The following MYT1L variants were observed in gnomAD, a reference collection of about 807,000 sequenced individuals.
MYT1L encodes the protein myelin transcription factor 1-like protein.
Under a neutral mutation model 126.7 loss-of-function variants are expected in MYT1L, and 12 were observed. That is an observed-to-expected ratio of 0.09 (90% confidence interval 0.06 to 0.15). The LOEUF (loss-of-function observed/expected upper bound fraction) is 0.15. Ranked by LOEUF, MYT1L falls within the 10% of genes least tolerant of loss-of-function variation. The pLI is 1.00. For missense variants in MYT1L, 979 were observed against 1,585.2 expected (o/e 0.62, Z 6.49); for synonymous variants, 541 against 604.2 (o/e 0.90, Z 1.53).
At chr2:2,102,672 T>C (rs576169465) in intron 3 of MYT1L, among the ~76,000 whole-genome samples, 45 of 151,238 alleles carry the variant, frequency 3.0e-4, no homozygotes, top group Non-Finnish European at 4.6e-4. Context: ...CTATATTGCA[T>C]AAAAACATGA....
intron 2 of MYT1L, among the ~76,000 whole-genome samples, chr2:2,240,045 C>A (rs1156869345): frequency 1.3e-5 from 2 of 152,174 alleles, no homozygotes; most frequent in Non-Finnish European, 2.9e-5. Context: ...TGCCTGTAAT[C>A]CCAGCACTTT....
At chr2:1,919,125 A>G (rs959527153) in intron 10 of MYT1L, among the ~76,000 whole-genome samples, 5 of 152,184 alleles carry the variant, frequency 3.3e-5, no homozygotes, top group Non-Finnish European at 7.3e-5. Context: ...AGGATTACCT[A>G]ACAAAATATA....
chr2:2,238,951 C>T (rs2094383742), intron 2 of MYT1L, among the ~76,000 whole-genome samples: 1 of 152,154 alleles, frequency 6.6e-6, no homozygotes, highest in South Asian at 2.1e-4. Flanking sequence ...CAAGAGCCTG[C>T]ACAAAGAGTG....
At chr2:1,965,790 G>A (rs1285575359) in intron 8 of MYT1L, among the ~76,000 whole-genome samples, 1 of 152,250 alleles carries the variant, frequency 6.6e-6, no homozygotes, top group African/African-American at 2.4e-5. Context: ...ACAGGGGGAT[G>A]CACAGATGCC....
rs1443611848 is a variant in MYT1L at position 2,212,614 on chromosome 2, A to G, written c.-420-39626T>C. On this transcript the variant is annotated intron_variant, in intron 2 of 24. Coordinates refer to ENST00000647738, the MANE Select transcript of MYT1L (RefSeq NM_001303052.2). ...TAGACGGGATTAGTACTAATTAGTA[A>G]TATTGTTTCATGACTAAATTAGATG... 1.4e-4 allele frequency among the ~76,000 whole-genome samples: 21 copies of G among 152,194 alleles called. 1 individual carries two copies.
At chr2:1,974,148 G>A (rs2060005312) in intron 8 of MYT1L, among the ~76,000 whole-genome samples, 1 of 152,198 alleles carries the variant, frequency 6.6e-6, no homozygotes, top group Admixed American at 6.5e-5. Flanking sequence ...ACTCTTCCTT[G>A]ATATTGGGGA....
chr2:2,248,531 G>A (rs1020416248), intron 2 of MYT1L, among the ~76,000 whole-genome samples: 4 of 151,976 alleles, frequency 2.6e-5, no homozygotes, highest in Admixed American at 6.6e-5. Context: ...CTTCTATGAG[G>A]CCAGTATTAC....
chr2:2,199,145 A>AC (rs1239670409), intron 2 of MYT1L, among the ~76,000 whole-genome samples: 1 of 152,212 alleles, frequency 6.6e-6, no homozygotes, highest in Non-Finnish European at 1.5e-5. Context: ...TGGGAGAAGA[A>AC]CATCACAATG....
chr2:2,023,925 C>A (rs1348878946), intron 4 of MYT1L, among the ~76,000 whole-genome samples: 1 of 152,140 alleles, frequency 6.6e-6, no homozygotes, highest in African/African-American at 2.4e-5. Flanking sequence ...TTTGAAATTA[C>A]CCAATTTTAA....
At chr2:1,822,939 G>C (rs529115648) in intron 21 of MYT1L, among the ~76,000 whole-genome samples, 1 of 152,308 alleles carries the variant, frequency 6.6e-6, no homozygotes, top group South Asian at 2.1e-4. Context: ...CCTTTTGCTT[G>C]CCTCTCAGGA....
At chr2:2,217,706 C>CAACAA (rs747364867) in intron 2 of MYT1L, among the ~76,000 whole-genome samples, 13 of 91,168 alleles carry the variant, frequency 1.4e-4, no homozygotes, top group East Asian at 3.1e-4. Flanking sequence ...ACAACAACAA[C>CAACAA]AAAAAAAAAA....
chr2:1,909,602 TA>T (rs2051602163), intron 13 of MYT1L, among the ~76,000 whole-genome samples: 1 of 152,198 alleles, frequency 6.6e-6, no homozygotes, highest in Non-Finnish European at 1.5e-5. Flanking sequence ...AAAACTTCAA[TA>T]AAACAGTGGT....
At chr2:2,157,530 A>C (rs2086924172) in intron 3 of MYT1L, among the ~76,000 whole-genome samples, 1 of 152,186 alleles carries the variant, frequency 6.6e-6, no homozygotes. Context: ...ATTTTCACAA[A>C]GTGCAGTGAC....
intron 21 of MYT1L, among the ~76,000 whole-genome samples, chr2:1,831,577 G>T (rs1478624899): frequency 6.6e-6 from 1 of 152,182 alleles, no homozygotes; most frequent in Non-Finnish European, 1.5e-5. Context: ...TTTGGTGCCT[G>T]ATCTTTTCCC....
chr2:2,016,194 C>T (rs889174746), intron 4 of MYT1L, among the ~76,000 whole-genome samples: 3 of 152,208 alleles, frequency 2.0e-5, no homozygotes, highest in Non-Finnish European at 4.4e-5. Flanking sequence ...AAAGCCACTG[C>T]TCTCTGGAGC....
chr2:1,953,006 T>TTCCTTCCTTC (rs1324076828), intron 8 of MYT1L, among the ~76,000 whole-genome samples: 3 of 146,112 alleles, frequency 2.1e-5, no homozygotes, highest in Non-Finnish European at 4.5e-5. Context: ...TTCTTTTCTT[T>TTCCTTCCTTC]TCCTTCCTTC....
chr2:1,804,903 A>C (rs2035451717), intron 22 of MYT1L, among the ~76,000 whole-genome samples: 1 of 152,188 alleles, frequency 6.6e-6, no homozygotes, highest in Non-Finnish European at 1.5e-5. Flanking sequence ...TGATAGTAAA[A>C]GGAAAGAAAA....
chr2:2,229,922 C>T (rs2094121393), intron 2 of MYT1L, among the ~76,000 whole-genome samples: 1 of 152,172 alleles, frequency 6.6e-6, no homozygotes, highest in South Asian at 2.1e-4. Context: ...ATAAATCCTT[C>T]CGGTGAAAAA....
intron 21 of MYT1L, among the ~76,000 whole-genome samples, chr2:1,818,204 G>C (rs2037983844): frequency 6.6e-6 from 1 of 152,176 alleles, no homozygotes. Flanking sequence ...CACAGATTGG[G>C]AAGAAAAATA....
Sources: allele counts gnomAD v4.1 joint callset (sites outside exome capture counted in the v4.1 genomes callset), GRCh38; gene constraint gnomAD v4.1.1; transcripts MANE v1.5; gene names NCBI Gene and HGNC (gene_info 2026-07-23, HGNC 2026-07-21).